Variants in SV2C observed in about 807,000 individuals in gnomAD.
SV2C encodes synaptic vesicle glycoprotein 2C, also known as solute carrier family 22 member B3.
In SV2C, 49 loss-of-function variants were observed where a neutral mutation model predicts 79.7. The observed-to-expected ratio is 0.61, with a 90% CI of 0.49 to 0.78. The LOEUF (loss-of-function observed/expected upper bound fraction) is 0.78, where lower values mean the gene tolerates loss of function less well. SV2C is among the 30% of genes least tolerant of loss of function. The pLI is 0.00. For missense variants in SV2C, 833 were observed against 912.9 expected (o/e 0.91, Z 1.13); for synonymous variants, 334 against 333.2 (o/e 1.00, Z -0.03).
the SV2C span, among the ~76,000 whole-genome samples, chr5:76,056,292 G>A: frequency 1.6e-4 from 24 of 152,210 alleles, no homozygotes; most frequent in African/African-American, 5.1e-4. Flanking sequence ...GATGGAGTAC[G>A]TTTATTGAAG....
chr5:76,156,107 TC>T (rs1432128948), intron 2 of SV2C, among the ~76,000 whole-genome samples: 1 of 152,014 alleles, frequency 6.6e-6, no homozygotes, highest in East Asian at 1.9e-4. Flanking sequence ...TCAGAGTGAA[TC>T]TTAAGCACTG....
the SV2C span, among the ~76,000 whole-genome samples, chr5:75,989,313 T>C: frequency 2.4e-4 from 36 of 151,394 alleles, no homozygotes; most frequent in Middle Eastern, 6.8e-3. Context: ...TCCCCTCGAC[T>C]CTGTGACAGG....
the SV2C span, among the ~76,000 whole-genome samples, chr5:76,072,029 G>A: frequency 4.6e-5 from 7 of 152,200 alleles, no homozygotes; most frequent in East Asian, 1.9e-4. Flanking sequence ...ATCACTGAAC[G>A]AAAAGGAGAG....
chr5:76,113,483 A>G (rs1748160867), intron 1 of SV2C, among the ~76,000 whole-genome samples: 1 of 152,224 alleles, frequency 6.6e-6, no homozygotes, highest in Admixed American at 6.5e-5. Flanking sequence ...GAGCTAAAAC[A>G]TGGTCCCTTC....
At chr5:75,906,442 T>C in the SV2C span, among the ~76,000 whole-genome samples, 2 of 152,068 alleles carry the variant, frequency 1.3e-5, no homozygotes, top group African/African-American at 4.8e-5. Flanking sequence ...GCTTTTTTTT[T>C]TTTTTTCCTA....
the SV2C span, among the ~76,000 whole-genome samples, chr5:76,034,535 A>T: frequency 6.6e-6 from 1 of 152,144 alleles, no homozygotes. Flanking sequence ...GGCTCTGTTT[A>T]TATGCTGGAT....
the SV2C span, chr5:75,911,217 C>A: frequency 1.3e-5 from 21 of 1,581,122 alleles, no homozygotes; most frequent in Non-Finnish European, 1.6e-5. Flanking sequence ...AGGCCCAGCC[C>A]TCTCCTACCA....
chr5:76,248,420 A>G lies in SV2C; in HGVS notation c.914-36742A>G, dbSNP rs75538943. ...CTGTGTCCTAATCTGCTCTTCTTATAAGGACACCAGTCGTATTGAATTCAG... is the reference window on the plus strand; with the variant it reads ...CTGTGTCCTAATCTGCTCTTCTTATGAGGACACCAGTCGTATTGAATTCAG... On this transcript the variant is annotated intron_variant, in intron 4 of 12. Transcript: ENST00000502798. Among the ~76,000 whole-genome samples the G allele has an allele frequency of 9.6e-3, 1,462 of 152,198 alleles. 19 individuals are homozygous for G. The highest frequency in any genetic ancestry group is 0.033 in the African/African-American group (1,371 of 41,506).
At chr5:76,321,303 A>AG (rs1168334373) in intron 12 of SV2C, among the ~76,000 whole-genome samples, 2 of 151,750 alleles carry the variant, frequency 1.3e-5, no homozygotes, top group Non-Finnish European at 2.9e-5. Context: ...TTAGGGGGAA[A>AG]AAAAAAACAA....
At chr5:76,042,677 G>A in the SV2C span, among the ~76,000 whole-genome samples, 1 of 152,114 alleles carries the variant, frequency 6.6e-6, no homozygotes, top group Non-Finnish European at 1.5e-5. Flanking sequence ...CCATGGCTCT[G>A]CTCCTGTTAT....
chr5:76,141,940 C>T lies in SV2C; in HGVS notation c.580+9610C>T, dbSNP rs550908522. Among the ~76,000 whole-genome samples the T allele has an allele frequency of 3.3e-5, 5 of 151,122 alleles. No individual in the cohort carries two copies. In the South Asian group the frequency reaches 8.4e-4, roughly 25 times the overall value. On this transcript the variant is annotated intron_variant, in intron 2 of 12. Transcript: ENST00000502798. ...ATCAAGCCAAATATAATAATACAGA[C>T]TCATAGGTTTGATTTCAGATTATCA...
At chr5:76,149,714 A>C (rs1749543445) in intron 2 of SV2C, among the ~76,000 whole-genome samples, 1 of 152,124 alleles carries the variant, frequency 6.6e-6, no homozygotes, top group Admixed American at 6.5e-5. Context: ...TGAGGGATGC[A>C]CATTTTTTTC....
At chr5:76,073,860 T>C in the SV2C span, among the ~76,000 whole-genome samples, 12 of 152,004 alleles carry the variant, frequency 7.9e-5, no homozygotes, top group African/African-American at 2.9e-4. Context: ...AACTTATTCA[T>C]GTAACAAAAC....
At chr5:76,056,454 T>G in the SV2C span, among the ~76,000 whole-genome samples, 1 of 152,056 alleles carries the variant, frequency 6.6e-6, no homozygotes, top group African/African-American at 2.4e-5. Context: ...TGAAGTTTTC[T>G]TTTTTGGTTG....
In SV2C at chr5:76,160,702, C is replaced by T. The variant is rs923408624; in HGVS notation, c.580+28372C>T. ...GAGCTCTTACAATTTAATAAGACAA[C>T]CCACTTAAAATGGCAAAGGACTTGA... On this transcript the variant is annotated intron_variant, in intron 2 of 12. Coordinates refer to ENST00000502798, the MANE Select transcript of SV2C (RefSeq NM_014979.4). 2.6e-5 allele frequency among the ~76,000 whole-genome samples: 4 copies of T among 152,246 alleles called. No individual in the cohort carries two copies. The South Asian group carries it at 8.3e-4, about 32-fold the overall frequency.
At chr5:76,323,051 TA>T (rs767272845) in intron 12 of SV2C, among the ~76,000 whole-genome samples, 5 of 152,102 alleles carry the variant, frequency 3.3e-5, no homozygotes, top group Non-Finnish European at 5.9e-5. Context: ...GTAATTAAAC[TA>T]AAGATCTTCA....
At chr5:75,991,967 T>C in the SV2C span, among the ~76,000 whole-genome samples, 2 of 151,938 alleles carry the variant, frequency 1.3e-5, no homozygotes, top group Non-Finnish European at 2.9e-5. Context: ...TTTTGCAATT[T>C]TTTTCTTGTC....
intron 4 of SV2C, among the ~76,000 whole-genome samples, chr5:76,222,458 G>A (rs547176368): frequency 1.3e-5 from 2 of 152,074 alleles, no homozygotes; most frequent in South Asian, 4.2e-4. Context: ...GATGATTGGG[G>A]GGTGGGGGGT....
At chr5:76,285,684 C>G in intron 5 of SV2C, 97 bp from the exon 6 acceptor site, 1 of 958,648 alleles carries the variant, frequency 1.0e-6, no homozygotes, top group Non-Finnish European at 1.6e-6. Context: ...TGCACAATTA[C>G]ACCTCATTTG....
Sources: gnomAD v4.1 joint callset for allele counts (sites outside exome capture counted in the v4.1 genomes callset) on GRCh38, gnomAD v4.1.1 for gene constraint, MANE v1.5 for transcripts, NCBI Gene and HGNC (gene_info 2026-07-23, HGNC 2026-07-21) for gene names.